Variants in RFX7 observed in about 807,000 individuals in gnomAD.
RFX7 encodes the protein regulatory factor X7.
A neutral mutation model predicts 111.8 loss-of-function variants in RFX7; 26 were observed. The observed-to-expected ratio is 0.23, with a 90% CI of 0.17 to 0.32. The LOEUF is 0.32. Among genes scored for constraint, RFX7 ranks in the 10% least tolerant of loss-of-function variants. The pLI is 1.00. For missense variants in RFX7, 1,573 were observed against 1,772.9 expected (o/e 0.89, Z 2.02); for synonymous variants, 624 against 624.4 (o/e 1.00, Z 0.01).
intron 4 of RFX7, among the ~76,000 whole-genome samples, chr15:56,143,387 A>G (rs1450058214): frequency 6.6e-6 from 1 of 152,042 alleles, no homozygotes; most frequent in Non-Finnish European, 1.5e-5. Context: ...ATATATGTAT[A>G]TATAACTACT....
At chr15:56,107,254 G>A (rs867847247) in intron 5 of RFX7, among the ~76,000 whole-genome samples, 5 of 113,618 alleles carry the variant, frequency 4.4e-5, no homozygotes, top group East Asian at 2.9e-4. Flanking sequence ...CCGAGATCGC[G>A]CCACTGCACT....
intron 3 of RFX7, among the ~76,000 whole-genome samples, chr15:56,145,254 T>C (rs911043732): frequency 6.6e-6 from 1 of 152,194 alleles, no homozygotes; most frequent in Non-Finnish European, 1.5e-5. Flanking sequence ...AAAATATTCA[T>C]AGTAAAATTC....
In RFX7 at chr15:56,096,068, C is replaced by G; in HGVS notation, c.1660G>C (p.Glu554Gln). 1 of 1,613,574 alleles carries G rather than the reference C, an allele frequency of 6.2e-7. No homozygotes were observed. Among genetic ancestry groups the G allele is most frequent in the Non-Finnish European group, 8.5e-7 (1 of 1,179,722 alleles). The change falls in exon 10 of 10, where the codon GAG (glutamate) becomes CAG (glutamine). Residue 554 changes from glutamate to glutamine, a missense_variant. Physicochemically the swap from Glu to Gln is conservative, Grantham distance 29. This residue lies in a region of RFX7 where 625 missense variants were observed against 632.2 expected (regional missense o/e 0.99). Coordinates refer to ENST00000559447, the MANE Select transcript of RFX7 (RefSeq NM_022841.7). The stretch of plus-strand genomic sequence containing the variant: ...GGAGCTTTAGCCTCATCAGAGTTCT[C>G]TTGGCACTGTACAGGATGCTCATCT... ...SSDEHPVQCQ[E>Q]NSDEAKAPQT...
chr15:56,105,719 A>G (rs575636825), intron 5 of RFX7, among the ~76,000 whole-genome samples: 1 of 152,308 alleles, frequency 6.6e-6, no homozygotes, highest in African/African-American at 2.4e-5. Flanking sequence ...AATGTTAAGT[A>G]TCATCGACCT....
chr15:56,243,055 C>T (rs2043725406), intron 2 of RFX7, 70 bp downstream of exon 2: 5 of 779,804 alleles, frequency 6.4e-6, no homozygotes, highest in African/African-American at 3.6e-5. Context: ...CCCCGCCCGC[C>T]GCCCCCCACC....
chr15:56,214,490 C>T (rs367583003), intron 2 of RFX7, among the ~76,000 whole-genome samples: 5 of 150,662 alleles, frequency 3.3e-5, no homozygotes, highest in African/African-American at 9.8e-5. Flanking sequence ...CCGAGGTGGG[C>T]GGATCACGAG....
chr15:56,192,680 C>T (rs1301702560), intron 2 of RFX7: 2 of 216,630 alleles, frequency 9.2e-6, no homozygotes, highest in Non-Finnish European at 2.0e-5. Context: ...GATGCTTTCC[C>T]AGGGTTTTGC....
rs180927889 is a variant in RFX7, at chr15:56,201,195, C to T, written c.162-21892G>A. On this transcript the variant is annotated intron_variant, in intron 2 of 9. Coordinates refer to ENST00000559447, the MANE Select transcript of RFX7 (RefSeq NM_022841.7). ...TACTTGTAAGACATGACTTATTACT[C>T]TTTTCTAGAGTTAAGAGTTTATTAG... Among the ~76,000 whole-genome samples, 593 of 152,194 alleles carry T rather than the reference C, an allele frequency of 3.9e-3. 8 individuals carry two copies. The highest frequency in any genetic ancestry group is 0.014 in the African/African-American group (573 of 41,520).
rs114094925 is a variant in RFX7 at position 56,107,808 on chromosome 15, C to T, written c.402-4138G>A. 4.2e-3 allele frequency among the ~76,000 whole-genome samples: 640 copies of T among 152,156 alleles called. 10 individuals are homozygous for T. The highest frequency in any genetic ancestry group is 0.015 in the African/African-American group (618 of 41,500). On this transcript the variant is annotated intron_variant, in intron 5 of 9. Coordinates refer to ENST00000559447, the MANE Select transcript of RFX7 (RefSeq NM_022841.7). ...CAATAAAAAATGATGCAGGCGATAT[C>T]GCCACTGATCCCACAGATAAAACAA...
intron 5 of RFX7, among the ~76,000 whole-genome samples, chr15:56,105,772 T>C (rs1237765442): frequency 6.6e-6 from 1 of 152,128 alleles, no homozygotes; most frequent in Non-Finnish European, 1.5e-5. Flanking sequence ...GTTTAGTTTA[T>C]TTGGGTCAAG....
rs1260734555 is a variant in RFX7, at chr15:56,110,266, TG to T, written c.402-6597del. Among the ~76,000 whole-genome samples the T allele has an allele frequency of 5.0e-3, 73 of 14,592 alleles. 1 individual carries two copies. Among genetic ancestry groups the T allele is most frequent in the African/African-American group, 0.012 (42 of 3,632 alleles). 9.6% of individuals were successfully genotyped at this position (14,592 alleles called of 152,430 possible). On this transcript the variant is annotated intron_variant, in intron 5 of 9. Transcript: ENST00000559447. ...CCAGCCGCCCCGTCCGGGAGGGAGG[TG>T]GGGGGGGGTCAGCCCCCCGCCTGGC...
intron 5 of RFX7, among the ~76,000 whole-genome samples, chr15:56,114,158 G>A (rs1163304990): frequency 1.3e-5 from 2 of 151,946 alleles, no homozygotes; most frequent in Non-Finnish European, 2.9e-5. Flanking sequence ...TATTCCTAGC[G>A]CTCTGGGAGG....
Position 56,123,628 on chromosome 15 carries a change from C to T in RFX7, c.401+19150G>A, listed in dbSNP as rs977191093. On this transcript the variant is annotated intron_variant, in intron 5 of 9. Coordinates refer to ENST00000559447, the MANE Select transcript of RFX7 (RefSeq NM_022841.7). The stretch of plus-strand genomic sequence containing the variant: ...TCCACTGGTTCCGAGCCCAGCAAAG[C>T]ACTAGGAGTTGCCTATACATTGCAG... Among the ~76,000 whole-genome samples the T allele has an allele frequency of 1.2e-4, 18 of 152,184 alleles. 1 individual carries two copies. The highest frequency in any genetic ancestry group is 4.3e-4 in the African/African-American group (18 of 41,452).
At chr15:56,244,308 C>T (rs1166400382), upstream of RFX7, 1 of 152,220 alleles carries the variant, frequency 6.6e-6, no homozygotes, top group Admixed American at 6.5e-5. Flanking sequence ...TTTCAGAAGC[C>T]CCCAAAGAAG....
intron 2 of RFX7, among the ~76,000 whole-genome samples, chr15:56,220,479 G>A (rs370090474): frequency 3.3e-5 from 5 of 151,924 alleles, no homozygotes; most frequent in East Asian, 1.9e-4. Flanking sequence ...TGATCCACCC[G>A]CCTCGGCCTC....
At chr15:56,163,762 C>A (rs1169343849) in intron 3 of RFX7, among the ~76,000 whole-genome samples, 1 of 152,116 alleles carries the variant, frequency 6.6e-6, no homozygotes, top group Non-Finnish European at 1.5e-5. Flanking sequence ...TTTTTGCTTT[C>A]TATTGGCTGG....
chr15:56,181,561 A>G (rs2042974111), intron 2 of RFX7, among the ~76,000 whole-genome samples: 1 of 152,314 alleles, frequency 6.6e-6, no homozygotes, highest in Non-Finnish European at 1.5e-5. Flanking sequence ...AAATCTGTTG[A>G]ATGAATAAAT....
Position 56,132,873 on chromosome 15 carries a change from T to A in RFX7, c.401+9905A>T, listed in dbSNP as rs866473431. 1.3e-3 allele frequency among the ~76,000 whole-genome samples: 201 copies of A among 152,256 alleles called. 1 individual carries two copies. Among genetic ancestry groups the A allele is most frequent in the African/African-American group, 4.8e-3 (199 of 41,568 alleles). The stretch of plus-strand genomic sequence containing the variant: ...CAATCCCAATTTTGATAATTTACAT[T>A]AAATTATACAGCCAAGGATGTTCAC... On this transcript the variant is annotated intron_variant, in intron 5 of 9. Coordinates refer to ENST00000559447, the MANE Select transcript of RFX7 (RefSeq NM_022841.7).
At chr15:56,162,520 A>G (rs777299342) in intron 3 of RFX7, among the ~76,000 whole-genome samples, 33 of 152,052 alleles carry the variant, frequency 2.2e-4, no homozygotes, top group Admixed American at 4.6e-4. Context: ...CAATGTAATA[A>G]ATTTGAAAGC....
Sources: allele counts gnomAD v4.1 joint callset (sites outside exome capture counted in the v4.1 genomes callset), GRCh38; gene constraint gnomAD v4.1.1; regional missense constraint gnomAD v4.1.1; transcripts MANE v1.5; gene names NCBI Gene and HGNC (gene_info 2026-07-23, HGNC 2026-07-21).